The following MAP2 variants were observed in gnomAD, a reference collection of about 807,000 sequenced individuals.
The protein encoded by MAP2 is microtubule associated protein 2.
In MAP2, 14 loss-of-function variants were observed where a neutral mutation model predicts 137.6. The observed-to-expected ratio is 0.10, with a 90% confidence interval of 0.07 to 0.16. MAP2 has a LOEUF of 0.16. Ranked by LOEUF, MAP2 falls within the 10% of genes least tolerant of loss-of-function variation. The pLI is 1.00. For missense variants in MAP2, 2,088 were observed against 2,191.5 expected (o/e 0.95, Z 0.94); for synonymous variants, 786 against 782.3 (o/e 1.00, Z -0.08).
intron 10 of MAP2, among the ~76,000 whole-genome samples, chr2:209,698,685 A>G (rs772774113): frequency 6.6e-6 from 1 of 152,222 alleles, no homozygotes; most frequent in Admixed American, 6.5e-5. Flanking sequence ...AAGCTTCAGG[A>G]TGAAGAATAT....
At chr2:209,662,697 T>C (rs2044220834) in intron 5 of MAP2, among the ~76,000 whole-genome samples, 1 of 152,108 alleles carries the variant, frequency 6.6e-6, no homozygotes, top group Non-Finnish European at 1.5e-5. Context: ...TTTTTATTTT[T>C]AGCAAACAGA....
chr2:209,507,441 G>A (rs1194968051), intron 1 of MAP2, among the ~76,000 whole-genome samples, 151 bp from the exon 2 acceptor site: 4 of 151,938 alleles, frequency 2.6e-5, no homozygotes, highest in South Asian at 4.1e-4. Flanking sequence ...ATACATAACC[G>A]TCACGTATTG....
In MAP2 at chr2:209,730,301, T is replaced by C; in HGVS notation, c.5388T>C (p.Asn1796=). 1 of 1,614,102 alleles carries C rather than the reference T, an allele frequency of 6.2e-7. No homozygotes were observed. The highest frequency in any genetic ancestry group is 1.1e-5 in the South Asian group (1 of 91,082). ...SSVASPRRLS[N]VSSSGSINLL... is the part of the protein sequence containing the mutation. ...TGGCATCACCCCGACGACTCAGCAA[T>C]GTCTCCTCGTCTGGAAGCATCAACC... The change falls in exon 16 of 16, where the codon AAT becomes AAC. Residue 1796 remains asparagine (N), a synonymous_variant. Transcript: ENST00000682079.
intron 1 of MAP2, among the ~76,000 whole-genome samples, chr2:209,506,127 C>A (rs2061024607): frequency 6.6e-6 from 1 of 151,832 alleles, no homozygotes; most frequent in Non-Finnish European, 1.5e-5. Flanking sequence ...AGTTGGAAGT[C>A]AAGATAGATA....
At chr2:209,438,269 G>T (rs1488010570) in intron 1 of MAP2, among the ~76,000 whole-genome samples, 1 of 151,536 alleles carries the variant, frequency 6.6e-6, no homozygotes, top group Non-Finnish European at 1.5e-5. Context: ...GGATGTAAAT[G>T]GAGTATGAAT....
chr2:209,720,750 C>T (rs1361082158), intron 13 of MAP2, among the ~76,000 whole-genome samples: 2 of 151,006 alleles, frequency 1.3e-5, no homozygotes, highest in East Asian at 1.9e-4. Context: ...ATCATGAGCA[C>T]GGAAAATTAG....
chr2:209,615,892 T>A (rs967767700), intron 3 of MAP2, among the ~76,000 whole-genome samples: 1 of 152,214 alleles, frequency 6.6e-6, no homozygotes, highest in African/African-American at 2.4e-5. Flanking sequence ...ATCTTCACTT[T>A]AAGCTTTTCT....
intron 2 of MAP2, among the ~76,000 whole-genome samples, chr2:209,569,150 A>G (rs767728742): frequency 6.6e-6 from 1 of 151,858 alleles, no homozygotes; most frequent in African/African-American, 2.4e-5. Context: ...AAATGTGCCA[A>G]AGATGAAAAA....
rs1202390829 is a variant in MAP2, at chr2:209,623,805, T to A, written c.-106-1248T>A. Among the ~76,000 whole-genome samples the A allele has an allele frequency of 2.0e-5, 3 of 152,194 alleles. No homozygotes were observed. The East Asian group carries it at 5.8e-4, about 29-fold the overall frequency. On this transcript the variant is annotated intron_variant, in intron 3 of 15. Transcript: ENST00000682079. ...ATTTGGACGGTCAGACCTTTCTTTT[T>A]AAAATAGTTATCAAATTATTACAGG...
chr2:209,641,758 G>T (rs2094044717), intron 4 of MAP2, among the ~76,000 whole-genome samples: 1 of 151,832 alleles, frequency 6.6e-6, no homozygotes, highest in East Asian at 1.9e-4. Flanking sequence ...TTTAAATATT[G>T]TTTATATCTA....
In MAP2 at chr2:209,653,321, A is replaced by C; in HGVS notation, c.151A>C (p.Arg51=). ...LVRSANGFPY[R]EDEEGAFGEH... is the part of the protein sequence containing the mutation. ...CCGAAGCGCCAATGGATTCCCATAC[A>C]GGGAGGATGAAGAGGGTGCCTTTGG... Residue 51 remains arginine, a synonymous_variant, in exon 5 of 16, where the codon AGG becomes CGG. Transcript: ENST00000682079. The C allele has an allele frequency of 6.2e-7, 1 of 1,614,164 alleles. No individual in the cohort carries two copies. Among genetic ancestry groups the C allele is most frequent in the East Asian group, 2.2e-5 (1 of 44,882 alleles).
chr2:209,504,279 C>A (rs998312895), intron 1 of MAP2, among the ~76,000 whole-genome samples: 1 of 148,268 alleles, frequency 6.7e-6, no homozygotes, highest in Non-Finnish European at 1.5e-5. Flanking sequence ...AAAAAAAAAT[C>A]CCACAGTATC....
chr2:209,459,956 C>T (rs1702376251), intron 1 of MAP2, among the ~76,000 whole-genome samples: 1 of 152,194 alleles, frequency 6.6e-6, no homozygotes, highest in Non-Finnish European at 1.5e-5. Flanking sequence ...ACATCAGCCA[C>T]AACCTCTGAT....
chr2:209,718,460 A>G (rs569787881), intron 13 of MAP2, among the ~76,000 whole-genome samples: 1 of 152,218 alleles, frequency 6.6e-6, no homozygotes, highest in Non-Finnish European at 1.5e-5. Context: ...TTCATGAATC[A>G]AAATGACTGT....
At chr2:209,530,955 C>T (rs1447752704) in intron 2 of MAP2, among the ~76,000 whole-genome samples, 1 of 152,142 alleles carries the variant, frequency 6.6e-6, no homozygotes, top group Non-Finnish European at 1.5e-5. Context: ...ATCTTTAGAT[C>T]CTCCATGTTA....
chr2:209,596,240 T>C (rs958053057), intron 3 of MAP2, among the ~76,000 whole-genome samples: 4 of 152,172 alleles, frequency 2.6e-5, no homozygotes, highest in African/African-American at 7.2e-5. Flanking sequence ...CTGGAAACCA[T>C]TTGCGGATAT....
chr2:209,707,224 A>G lies in MAP2; in HGVS notation c.4732+1497A>G, dbSNP rs148066169. Among the ~76,000 whole-genome samples, 1,104 of 152,310 alleles carry G rather than the reference A, an allele frequency of 7.2e-3. 18 individuals carry two copies. Among genetic ancestry groups the G allele is most frequent in the South Asian group, 0.043 (208 of 4,832 alleles). ...TCTGCCTTTTAAAGTGTATCTATAT[A>G]TGAATTGATTCATTAAATGTTCAGC... On this transcript the variant is annotated intron_variant, in intron 12 of 15. Transcript: ENST00000682079.
intron 3 of MAP2, among the ~76,000 whole-genome samples, chr2:209,622,690 G>GGATC (rs141328824): frequency 0.17 from 26,018 of 151,928 alleles, 3,245 homozygotes; most frequent in African/African-American, 0.35. Flanking sequence ...TGGGTACAAA[G>GGATC]GATCACTTCT....
chr2:209,591,056 G>A (rs933232229), intron 3 of MAP2, among the ~76,000 whole-genome samples: 1 of 152,080 alleles, frequency 6.6e-6, no homozygotes, highest in Non-Finnish European at 1.5e-5. Flanking sequence ...GTTTGTTTTT[G>A]TTTTTGTTTT....
Sources: gnomAD v4.1 joint callset for allele counts (sites outside exome capture counted in the v4.1 genomes callset) on GRCh38, gnomAD v4.1.1 for gene constraint, MANE v1.5 for transcripts, NCBI Gene and HGNC (gene_info 2026-07-23, HGNC 2026-07-21) for gene names.